PTGS2: variants seen among roughly 807,000 people sequenced by gnomAD.
PTGS2 encodes prostaglandin G/H synthase 2.
Under a neutral mutation model 63.8 loss-of-function variants are expected in PTGS2, and 14 were observed. The ratio of observed to expected loss-of-function variants is 0.22; its 90% confidence interval spans 0.14 to 0.34. PTGS2 has a LOEUF of 0.34. PTGS2 is among the 10% of genes least tolerant of loss of function. The pLI is 1.00. For missense variants in PTGS2, 533 were observed against 738.5 expected, an observed-to-expected ratio of 0.72 and a Z score of 3.23; for synonymous variants, 271 against 259.5, an observed-to-expected ratio of 1.04 and a Z score of -0.43.
chr1:186,680,357 TGAA>T lies in PTGS2; in HGVS notation c.-70_-68del. On this transcript the variant is annotated 5_prime_UTR_variant, in exon 1 of 10. Transcript: ENST00000367468. ...GTCTGAGGGCGTCTGGCTGTGGAGC[TGAA>T]GGAGGCGCTGCTGAGGAGTTCCTGG... The T allele has an allele frequency of 7.9e-7, 1 of 1,264,154 alleles. No homozygotes were observed. Among genetic ancestry groups the T allele is most frequent in the Non-Finnish European group, 1.1e-6 (1 of 921,550 alleles). 78.3% of individuals were successfully genotyped at this position (1,264,154 alleles called of 1,614,324 possible).
rs1291706641 is a variant in PTGS2, at chr1:186,676,876, T to A, written c.680A>T (p.Gln227Leu). The A allele has an allele frequency of 1.2e-6, 2 of 1,609,314 alleles. No individual in the cohort carries two copies. The highest frequency in any genetic ancestry group is 1.7e-6 in the Non-Finnish European group (2 of 1,178,418). The change falls in exon 6 of 10, where the codon CAG becomes CTG. Residue 227 changes from glutamine (Q) to leucine (L), a missense_variant. Gln to Leu is a moderately radical substitution (Grantham distance 113). Transcript: ENST00000367468. ...ATCCTTGAAAAGGCGCAGTTTACGC[T>A]GTCTAGCCAGAGTTTCACCGTAAAT... ...NHIYGETLAR[Q>L]RKLRLFKDGK...
In PTGS2 at chr1:186,672,077, A is replaced by G. The variant is rs892093631; in HGVS notation, c.*2276T>C. Reference sequence around the variant, plus strand: ...TAAACATTCTAAACGTAAAATTGTAAAGAAGATTCTCCTGAGTTATCTTTA... The same window carrying G: ...TAAACATTCTAAACGTAAAATTGTAGAGAAGATTCTCCTGAGTTATCTTTA... On this transcript the variant is annotated 3_prime_UTR_variant, in exon 10 of 10. Coordinates refer to ENST00000367468, the MANE Select transcript of PTGS2 (RefSeq NM_000963.4). 1.3e-5 allele frequency: 2 copies of G among 152,074 alleles called. No individual in the cohort carries two copies. The highest frequency in any genetic ancestry group is 4.8e-5 in the African/African-American group (2 of 41,444). The allele number at this position is 152,074 out of a possible 1,614,324, so 9.4% of individuals were successfully genotyped here. A position where few individuals can be genotyped will look rare whatever the true frequency, so the allele number is the denominator to read the frequency against.
chr1:186,675,895 T>C lies in PTGS2; in HGVS notation c.1257+3A>G, dbSNP rs200432614. ...TGTTTTGGTTTTCAATAATAATGCT[T>C]ACCCTGCCAGCAATTTGCCTGGTGA... On this transcript the variant is annotated splice_donor_region_variant and intron_variant, in intron 8 of 9. Transcript: ENST00000367468. 35 of 1,608,456 alleles carry C rather than the reference T, an allele frequency of 2.2e-5. No homozygotes were observed. The South Asian group carries it at 3.8e-4, about 17-fold the overall frequency.
intron 8 of PTGS2, 171 bp from the exon 9 acceptor site, chr1:186,675,567 A>G (rs554823998): frequency 1.4e-5 from 11 of 772,274 alleles, no homozygotes; most frequent in South Asian, 7.9e-5. Context: ...TTAAAATTCA[A>G]TGGGACACCA....
intron 8 of PTGS2, 111 bp from the exon 9 acceptor site, chr1:186,675,507 A>G (rs927707374): frequency 8.0e-7 from 1 of 1,248,052 alleles, no homozygotes; most frequent in Non-Finnish European, 1.1e-6. Flanking sequence ...AGCGGAGACA[A>G]TTTTTATTTG....
intron 5 of PTGS2, 36 bp from the exon 6 acceptor site, chr1:186,676,952 T>C: frequency 1.3e-6 from 2 of 1,519,784 alleles, no homozygotes; most frequent in Non-Finnish European, 1.8e-6. Flanking sequence ...TTTGTTGCTG[T>C]TGAAGTTTTT....
chr1:186,677,535 A>T lies in PTGS2; in HGVS notation c.639+114T>A, dbSNP rs536094537. ...GTTTTTATAGATAAGACTTCTTTTT[A>T]AAAAAAGTGGATAAGTTATTTGGAT... On this transcript the variant is annotated intron_variant, in intron 5 of 9. Transcript: ENST00000367468. 1.7e-3 allele frequency: 1,974 copies of T among 1,144,984 alleles called. 2 individuals carry two copies. The highest frequency in any genetic ancestry group is 2.0e-3 in the African/African-American group (127 of 63,242). 70.9% of individuals were successfully genotyped at this position (1,144,984 alleles called of 1,614,324 possible). A position where few individuals can be genotyped will look rare whatever the true frequency, so the allele number is the denominator to read the frequency against.
intron 9 of PTGS2, 111 bp downstream of exon 9, chr1:186,675,138 C>T (rs1665757782): frequency 1.4e-6 from 2 of 1,406,626 alleles, no homozygotes; most frequent in South Asian, 2.5e-5. Flanking sequence ...GATGGCGCCA[C>T]TGCACTCCAG....
Position 186,676,719 on chromosome 1 carries a change from AAAATAAAT to A in PTGS2, c.724-14_724-7del. ...TACATCTCTCCATCAATTATCTAAAAAAATAAATAAATAAATAAACATCAGTTAAAAAG... is the reference window on the plus strand; with the variant it reads ...TACATCTCTCCATCAATTATCTAAAAAAATAAATAAACATCAGTTAAAAAG... On this transcript the variant is annotated splice_region_variant and splice_polypyrimidine_tract_variant and intron_variant, in intron 6 of 9. Coordinates refer to ENST00000367468, the MANE Select transcript of PTGS2 (RefSeq NM_000963.4). The A allele has an allele frequency of 6.3e-7, 1 of 1,599,368 alleles. No homozygotes were observed.
At position 186,676,462 on chromosome 1, in the gene PTGS2, T is replaced by C. The variant is rs1233496308; in HGVS notation, c.970+5A>G. On this transcript the variant is annotated splice_donor_5th_base_variant and intron_variant, in intron 7 of 9. Transcript: ENST00000367468. Reference sequence around the variant, plus strand: ...GGGTTTTATATAAATCATTTTCTTGTTTACCTATCAGTATTAGCCTGCTTG... The same window carrying C: ...GGGTTTTATATAAATCATTTTCTTGCTTACCTATCAGTATTAGCCTGCTTG... The C allele has an allele frequency of 1.2e-6, 2 of 1,611,974 alleles. No individual in the cohort carries two copies. Among genetic ancestry groups the C allele is most frequent in the East Asian group, 2.2e-5 (1 of 44,834 alleles).
In PTGS2 at chr1:186,679,081, G is replaced by C; in HGVS notation, c.290C>G (p.Ala97Gly). 6.2e-7 allele frequency: 1 copy of C among 1,614,028 alleles called. No individual in the cohort carries two copies. The highest frequency in any genetic ancestry group is 8.5e-7 in the Non-Finnish European group (1 of 1,179,966). The change falls in exon 3 of 10, where the codon GCA (alanine) becomes GGA (glycine). Residue 97 changes from alanine to glycine, a missense_variant. Ala to Gly is a moderately conservative substitution (Grantham distance 60). Coordinates refer to ENST00000367468, the MANE Select transcript of PTGS2 (RefSeq NM_000963.4). ...VVNNIPFLRN[A>G]IMSYVLTSRS... ...ACATGTCAACACATAACTCATAATT[G>C]CATTTCGAAGGAAGGGAATGTTATT...
chr1:186,675,221 A>G, intron 9 of PTGS2, 28 bp downstream of exon 9: 3 of 1,597,830 alleles, frequency 1.9e-6, no homozygotes, highest in Non-Finnish European at 2.6e-6. Context: ...CAAACAAAAA[A>G]CGAAGAAGTT....
At chr1:186,674,905 G>GTGAGCCACCGCGCCTGGC in intron 9 of PTGS2, 143 bp from the exon 10 acceptor site, 1 of 1,047,742 alleles carries the variant, frequency 9.5e-7, no homozygotes, top group Non-Finnish European at 1.3e-6. Context: ...GGGGCCAGGC[G>GTGAGCCACCGCGCCTGGC]CGGTGGCTCA....
rs1179925175 is a variant in PTGS2 at position 186,677,637 on chromosome 1, A to G, written c.639+12T>C. The stretch of plus-strand genomic sequence containing the variant: ...TAATTTTACTAACTCTAAGATATTA[A>G]CTCTATCTTACCCCATGGCCCAGCC... On this transcript the variant is annotated intron_variant, in intron 5 of 9. Transcript: ENST00000367468. The G allele has an allele frequency of 3.2e-6, 5 of 1,587,078 alleles. No individual in the cohort carries two copies. Among genetic ancestry groups the G allele is most frequent in the Admixed American group, 3.7e-5 (2 of 53,578 alleles).
intron 4 of PTGS2, 127 bp from the exon 5 acceptor site, chr1:186,677,957 A>G (rs994590575): frequency 1.1e-6 from 1 of 899,962 alleles, no homozygotes; most frequent in African/African-American, 1.7e-5. Flanking sequence ...CATAATATAA[A>G]CAACAGTTCT....
intron 8 of PTGS2, chr1:186,675,693 C>A (rs1018865858): frequency 1.6e-6 from 1 of 628,240 alleles, no homozygotes; most frequent in Non-Finnish European, 2.6e-6. Context: ...GGTAGGGGTA[C>A]AATTTGCTAT....
Position 186,672,027 on chromosome 1 carries a change from A to G in PTGS2, c.*2326T>C, listed in dbSNP as rs200642986. ...ACAGTGAACAGTGTTTTATACAAGC[A>G]TATTGACTATTTCTTTCTTAACCTT... On this transcript the variant is annotated 3_prime_UTR_variant, in exon 10 of 10. Transcript: ENST00000367468. The G allele has an allele frequency of 1.1e-4, 16 of 152,056 alleles. No individual in the cohort carries two copies. Among genetic ancestry groups the G allele is most frequent in the African/African-American group, 3.6e-4 (15 of 41,436 alleles). The allele number at this position is 152,056 out of a possible 1,614,324, so 9.4% of individuals were successfully genotyped here.
Position 186,673,427 on chromosome 1 carries a change from C to A in PTGS2, c.*926G>T, listed in dbSNP as rs200351050. ...TAAATTTGAACAATAATTTGGTTTT[C>A]TTCTTTGTTATTGCTTATTTTAAAG... On this transcript the variant is annotated 3_prime_UTR_variant, in exon 10 of 10. Coordinates refer to ENST00000367468, the MANE Select transcript of PTGS2 (RefSeq NM_000963.4). The A allele has an allele frequency of 2.0e-5, 3 of 152,066 alleles. No homozygotes were observed. Among genetic ancestry groups the A allele is most frequent in the Non-Finnish European group, 4.4e-5 (3 of 67,980 alleles). 9.4% of individuals were successfully genotyped at this position (152,066 alleles called of 1,614,324 possible).
Position 186,680,372 on chromosome 1 carries a change from T to G in PTGS2, c.-82A>C. On this transcript the variant is annotated 5_prime_UTR_variant, in exon 1 of 10. Transcript: ENST00000367468. The stretch of plus-strand genomic sequence containing the variant: ...GCTGTGGAGCTGAAGGAGGCGCTGC[T>G]GAGGAGTTCCTGGACGTGCTCCTGA... 9.2e-7 allele frequency: 1 copy of G among 1,082,562 alleles called. No homozygotes were observed. The highest frequency in any genetic ancestry group is 1.3e-6 in the Non-Finnish European group (1 of 764,706). The allele number at this position is 1,082,562 out of a possible 1,614,324, so 67.1% of individuals were successfully genotyped here. A position where few individuals can be genotyped will look rare whatever the true frequency, so the allele number is the denominator to read the frequency against.
Sources: gnomAD v4.1 joint callset for allele counts on GRCh38, gnomAD v4.1.1 for gene constraint, MANE v1.5 for transcripts, NCBI Gene and HGNC (gene_info 2026-07-23, HGNC 2026-07-21) for gene names.